The following BNC2 variants were observed in gnomAD, a reference collection of about 807,000 sequenced individuals.
The protein encoded by BNC2 is zinc finger protein basonuclin-2.
Under a neutral mutation model 76.3 loss-of-function variants are expected in BNC2, and 20 were observed. The ratio of observed to expected loss-of-function variants is 0.26; its 90% CI spans 0.18 to 0.38. The LOEUF is 0.38. Among genes scored for constraint, BNC2 ranks in the 10% least tolerant of loss-of-function variants. The pLI is 1.00. For synonymous variants in BNC2, 582 were observed against 514.8 expected, an observed-to-expected ratio of 1.13 and a Z score of -1.77; for missense variants, 1,382 against 1,399.8, an observed-to-expected ratio of 0.99 and a Z score of 0.20.
At chr9:16,680,245 G>A (rs558034239) in intron 3 of BNC2, among the ~76,000 whole-genome samples, 31 of 151,956 alleles carry the variant, frequency 2.0e-4, no homozygotes, top group South Asian at 6.2e-4. Context: ...TAGCTTTGTC[G>A]TTTTCTTAAT....
chr9:16,607,236 G>A (rs968309623), intron 3 of BNC2, among the ~76,000 whole-genome samples: 3 of 152,184 alleles, frequency 2.0e-5, no homozygotes, highest in Non-Finnish European at 2.9e-5. Flanking sequence ...GCCACAGTGC[G>A]CTGTGGTATC....
At chr9:16,732,988 G>C (rs1437615980) in intron 2 of BNC2, among the ~76,000 whole-genome samples, 1 of 152,194 alleles carries the variant, frequency 6.6e-6, no homozygotes, top group African/African-American at 2.4e-5. Context: ...ACAGCAACAT[G>C]TAAACTAGTT....
intron 1 of BNC2, among the ~76,000 whole-genome samples, chr9:16,830,178 T>C (rs1463083482): frequency 2.0e-5 from 3 of 152,224 alleles, no homozygotes; most frequent in Non-Finnish European, 4.4e-5. Context: ...CTAACGGTTT[T>C]CCAACATGGT....
intron 5 of BNC2, among the ~76,000 whole-genome samples, chr9:16,531,004 C>T (rs1817957810): frequency 6.6e-6 from 1 of 152,194 alleles, no homozygotes; most frequent in Non-Finnish European, 1.5e-5. Flanking sequence ...TGCCACCCAC[C>T]TCCCATTGGC....
intron 5 of BNC2, among the ~76,000 whole-genome samples, chr9:16,445,578 T>C (rs1821215552): frequency 1.3e-5 from 2 of 152,292 alleles, no homozygotes; most frequent in South Asian, 4.1e-4. Flanking sequence ...TTTGCAGAAT[T>C]TCTCAACAGC....
intron 1 of BNC2, among the ~76,000 whole-genome samples, chr9:16,852,550 G>T (rs1453507133): frequency 6.6e-6 from 1 of 152,174 alleles, no homozygotes. Context: ...TGGAAATGCA[G>T]AATTAGTAAG....
At chr9:16,491,019 G>T (rs1230067570) in intron 5 of BNC2, among the ~76,000 whole-genome samples, 1 of 152,168 alleles carries the variant, frequency 6.6e-6, no homozygotes, top group Non-Finnish European at 1.5e-5. Context: ...GAGGTGTGGA[G>T]GCGGAGCACA....
chr9:16,690,477 A>G (rs1322217466), intron 3 of BNC2, among the ~76,000 whole-genome samples: 3 of 152,068 alleles, frequency 2.0e-5, no homozygotes, highest in African/African-American at 7.2e-5. Context: ...ATACATACAT[A>G]CATACATACT....
chr9:16,506,293 C>A (rs1184391804), intron 5 of BNC2, among the ~76,000 whole-genome samples: 1 of 152,016 alleles, frequency 6.6e-6, no homozygotes, highest in African/African-American at 2.4e-5. Context: ...TGGATGAGAC[C>A]TCAAAAGACC....
At chr9:16,831,574 T>G (rs1035162505) in intron 1 of BNC2, among the ~76,000 whole-genome samples, 9 of 152,168 alleles carry the variant, frequency 5.9e-5, no homozygotes, top group East Asian at 1.9e-4. Context: ...TTGGGCTTTT[T>G]GGGGGTGGTG....
At position 16,776,567 on chromosome 9, in the gene BNC2, C is replaced by T. The variant is rs551830854; in HGVS notation, c.4-38082G>A. 2.0e-5 allele frequency among the ~76,000 whole-genome samples: 3 copies of T among 152,280 alleles called. No homozygotes were observed. The South Asian group carries it at 6.2e-4, about 32-fold the overall frequency. On this transcript the variant is annotated intron_variant, in intron 1 of 6. Transcript: ENST00000380672. ...AAAAACAGTCCTGGATTTAAAATAA[C>T]TTCAGAAATATCCCAATTTAGAGCA... is the stretch of plus-strand genomic sequence containing the variant.
In BNC2 at chr9:16,460,856, T is replaced by C. The variant is rs372400580; in HGVS notation, c.670-23332A>G. Among the ~76,000 whole-genome samples, 245 of 152,174 alleles carry C rather than the reference T, an allele frequency of 1.6e-3. 1 individual carries two copies. Among genetic ancestry groups the C allele is most frequent in the African/African-American group, 5.7e-3 (235 of 41,504 alleles). ...GAAAGGCCTCACGGAATTCTAGGCA[T>C]ATGGCAGGCACTCCATAAATGGTTG... On this transcript the variant is annotated intron_variant, in intron 5 of 6. Coordinates refer to ENST00000380672, the MANE Select transcript of BNC2 (RefSeq NM_017637.6).
chr9:16,576,725 TATAATCA>T (rs1201551413), intron 4 of BNC2, among the ~76,000 whole-genome samples: 1 of 152,222 alleles, frequency 6.6e-6, no homozygotes, highest in Admixed American at 6.5e-5. Context: ...GTAGGACTGA[TATAATCA>T]ACAGCTTTTT....
At chr9:16,787,000 T>C (rs1363394709) in intron 1 of BNC2, among the ~76,000 whole-genome samples, 2 of 152,154 alleles carry the variant, frequency 1.3e-5, no homozygotes, top group African/African-American at 2.4e-5. Context: ...GTAACAGTGA[T>C]TCCAGGCTCC....
chr9:16,486,467 G>C (rs902550251), intron 5 of BNC2, among the ~76,000 whole-genome samples: 8 of 152,214 alleles, frequency 5.3e-5, no homozygotes, highest in Middle Eastern at 3.4e-3. Context: ...AAATAAATGC[G>C]CACACCTTTT....
At chr9:16,493,496 T>G (rs757260333) in intron 5 of BNC2, among the ~76,000 whole-genome samples, 3 of 152,186 alleles carry the variant, frequency 2.0e-5, no homozygotes, top group Non-Finnish European at 4.4e-5. Flanking sequence ...GTAGGTAGAC[T>G]AGGTAGACTA....
chr9:16,536,947 AT>A (rs778171479), intron 5 of BNC2, among the ~76,000 whole-genome samples: 8 of 152,114 alleles, frequency 5.3e-5, no homozygotes, highest in Non-Finnish European at 1.2e-4. Context: ...CATTTAGTAT[AT>A]TACTTTTATC....
intron 4 of BNC2, among the ~76,000 whole-genome samples, chr9:16,572,783 G>C (rs183078082): frequency 1.3e-5 from 2 of 152,246 alleles, no homozygotes; most frequent in African/African-American, 4.8e-5. Context: ...AGAGTTTACA[G>C]TGGTGACTCA....
intron 5 of BNC2, among the ~76,000 whole-genome samples, chr9:16,548,479 C>G (rs1244080355): frequency 6.6e-6 from 1 of 151,472 alleles, no homozygotes; most frequent in Non-Finnish European, 1.5e-5. Flanking sequence ...AATCTTGGCT[C>G]ACTGCAACCT....
Sources: gnomAD v4.1 joint callset for allele counts (sites outside exome capture counted in the v4.1 genomes callset) on GRCh38, gnomAD v4.1.1 for gene constraint, MANE v1.5 for transcripts, NCBI Gene and HGNC (gene_info 2026-07-23, HGNC 2026-07-21) for gene names.